Variants in SMC1B observed in about 807,000 individuals in gnomAD.
SMC1B encodes structural maintenance of chromosomes 1B.
SMC1B carries 60 observed loss-of-function variants against 157.9 expected under a neutral mutation model. The ratio of observed to expected loss-of-function variants is 0.38; its 90% CI spans 0.31 to 0.47. The LOEUF (loss-of-function observed/expected upper bound fraction) is 0.47, where lower values mean the gene tolerates loss of function less well. Ranked by LOEUF, SMC1B falls within the 20% of genes least tolerant of loss-of-function variation. The probability of loss-of-function intolerance (pLI) is 0.99; values close to 1 mark genes in which losing one functional copy is unlikely to be tolerated. For synonymous variants in SMC1B, 445 were observed against 483.0 expected, an observed-to-expected ratio of 0.92 and a Z score of 1.03; for missense variants, 1,165 against 1,426.2, an observed-to-expected ratio of 0.82 and a Z score of 2.95.
At chr22:45,376,526 T>C (rs1326993839) in intron 12 of SMC1B, among the ~76,000 whole-genome samples, 1 of 152,206 alleles carries the variant, frequency 6.6e-6, no homozygotes, top group Non-Finnish European at 1.5e-5. Context: ...AAGACCCTAC[T>C]TTCTTGTTTT....
rs538842061 is a variant in SMC1B, at chr22:45,393,653, C to T, written c.1526G>A (p.Arg509Lys). Residue 509 changes from arginine to lysine, a missense_variant, in exon 9 of 25, where the codon AGA (arginine) becomes AAA (lysine). Transcript: ENST00000357450. Reference protein sequence around the residue: ...KRAEVLEHLKRLYPDSVFGRL... With the variant: ...KRAEVLEHLKKLYPDSVFGRL... The stretch of plus-strand genomic sequence containing the variant: ...CATTACCACAGAATCTGGGTACAGT[C>T]TTTTAAGGTGTTCCAGAACCTCTGC... 1 of 1,613,672 alleles carries T rather than the reference C, an allele frequency of 6.2e-7. No individual in the cohort carries two copies. The highest frequency in any genetic ancestry group is 1.7e-5 in the Admixed American group (1 of 59,892).
chr22:45,392,218 G>C (rs136601), intron 9 of SMC1B, among the ~76,000 whole-genome samples: 19,777 of 151,992 alleles, frequency 0.13, 1,385 homozygotes, highest in South Asian at 0.24. Context: ...CAAAGCGCTG[G>C]GATTACAGGC....
At chr22:45,373,644 A>C (rs1393322310) in intron 12 of SMC1B, among the ~76,000 whole-genome samples, 1 of 152,204 alleles carries the variant, frequency 6.6e-6, no homozygotes, top group African/African-American at 2.4e-5. Context: ...ACTTCCTCCC[A>C]AAGTTAGTTT....
Position 45,385,516 on chromosome 22 carries a change from T to C in SMC1B, c.1911+1351A>G, listed in dbSNP as rs1004685818. Among the ~76,000 whole-genome samples the C allele has an allele frequency of 2.6e-5, 4 of 152,004 alleles. No individual in the cohort carries two copies. In the South Asian group the frequency reaches 6.2e-4, roughly 24 times the overall value. ...TCCTGAGATATAATTAAGATACAAA[T>C]AAGATACATCTGATTAAAATTTTGA... On this transcript the variant is annotated intron_variant, in intron 11 of 24. Coordinates refer to ENST00000357450, the MANE Select transcript of SMC1B (RefSeq NM_148674.5).
chr22:45,396,281 G>T, intron 7 of SMC1B, 65 bp downstream of exon 7: 1 of 1,408,242 alleles, frequency 7.1e-7, no homozygotes, highest in South Asian at 1.3e-5. Context: ...CTGGAGACAG[G>T]TACAAAAAGG....
intron 15 of SMC1B, among the ~76,000 whole-genome samples, chr22:45,363,754 G>A (rs143850418): frequency 0.016 from 2,436 of 152,088 alleles, 26 homozygotes; most frequent in Non-Finnish European, 0.026. Context: ...TCCACACATT[G>A]CATACAGATG....
chr22:45,404,756 G>A lies in SMC1B; in HGVS notation c.615+1704C>T, dbSNP rs1467660510. On this transcript the variant is annotated intron_variant, in intron 4 of 24. Coordinates refer to ENST00000357450, the MANE Select transcript of SMC1B (RefSeq NM_148674.5). ...ATACATCTTACAAGTATTGACTGAT[G>A]TCTTATGTCCCCCTAAAATGTATAA... Among the ~76,000 whole-genome samples, 8 of 152,140 alleles carry A rather than the reference G, an allele frequency of 5.3e-5. No homozygotes were observed. The South Asian group carries it at 1.2e-3, about 24-fold the overall frequency.
rs767287926 is a variant in SMC1B at position 45,396,493 on chromosome 22, A to T, written c.1114-7T>A. 1 of 1,602,448 alleles carries T rather than the reference A, an allele frequency of 6.2e-7. No individual in the cohort carries two copies. The stretch of plus-strand genomic sequence containing the variant: ...GTTCTTTATAACGATCCAGCTGCAT[A>T]AACAGTATTGAAAAATTGCTAATTC... On this transcript the variant is annotated splice_region_variant and splice_polypyrimidine_tract_variant and intron_variant, in intron 6 of 24. Coordinates refer to ENST00000357450, the MANE Select transcript of SMC1B (RefSeq NM_148674.5).
In SMC1B at chr22:45,344,758, C is replaced by G. The variant is rs2146746045; in HGVS notation, c.3607-101G>C. ...GTCTAGAATTGCATTCAAAAGGAAT[C>G]TTCTTCAACCTAGTAAGATATCTGC... On this transcript the variant is annotated intron_variant, in intron 24 of 24. Transcript: ENST00000357450. 4.2e-6 allele frequency: 3 copies of G among 708,832 alleles called. No homozygotes were observed. In the South Asian group the frequency reaches 5.4e-5, roughly 13 times the overall value. 43.9% of individuals were successfully genotyped at this position (708,832 alleles called of 1,614,324 possible). A position where few individuals can be genotyped will look rare whatever the true frequency, so the allele number is the denominator to read the frequency against.
intron 12 of SMC1B, among the ~76,000 whole-genome samples, chr22:45,377,382 T>C (rs1485684951): frequency 6.6e-6 from 1 of 152,170 alleles, no homozygotes; most frequent in Non-Finnish European, 1.5e-5. Context: ...CTCATGCCTG[T>C]AATCCCAGCA....
chr22:45,396,693 A>G (rs1391442667), intron 6 of SMC1B, among the ~76,000 whole-genome samples: 1 of 151,944 alleles, frequency 6.6e-6, no homozygotes, highest in African/African-American at 2.4e-5. Context: ...TTATTTATTT[A>G]TTTATATTTG....
chr22:45,384,047 C>G (rs2086965730), intron 11 of SMC1B, among the ~76,000 whole-genome samples: 1 of 152,182 alleles, frequency 6.6e-6, no homozygotes, highest in Non-Finnish European at 1.5e-5. Flanking sequence ...GAATCTCTTT[C>G]CCCATAAAGT....
chr22:45,382,503 T>C (rs1246302636), intron 12 of SMC1B, among the ~76,000 whole-genome samples: 1 of 152,186 alleles, frequency 6.6e-6, no homozygotes, highest in Non-Finnish European at 1.5e-5. Flanking sequence ...AAAGGAATTC[T>C]GCGGGGTGAA....
rs1170256321 is a variant in SMC1B at position 45,392,711 on chromosome 22, T to A, written c.1545+923A>T. On this transcript the variant is annotated intron_variant, in intron 9 of 24. Transcript: ENST00000357450. ...TGGAGGCCAATGGTAGATGTTTCCT[T>A]TTTTTTGGAGACAGAGTCTCACTCT... Among the ~76,000 whole-genome samples, 7 of 152,052 alleles carry A rather than the reference T, an allele frequency of 4.6e-5. No individual in the cohort carries two copies. The East Asian group carries it at 9.6e-4, about 21-fold the overall frequency.
At chr22:45,410,569 G>A (rs1255439667) in intron 1 of SMC1B, among the ~76,000 whole-genome samples, 1 of 152,056 alleles carries the variant, frequency 6.6e-6, no homozygotes, top group Non-Finnish European at 1.5e-5. Flanking sequence ...CAGCTGTGGT[G>A]GCGTGCGCCT....
In SMC1B at chr22:45,384,940, T is replaced by A. The variant is rs912698299; in HGVS notation, c.1912-1327A>T. 4.5e-4 allele frequency among the ~76,000 whole-genome samples: 68 copies of A among 152,160 alleles called. 1 individual carries two copies. Among genetic ancestry groups the A allele is most frequent in the African/African-American group, 1.6e-3 (68 of 41,440 alleles). On this transcript the variant is annotated intron_variant, in intron 11 of 24. Coordinates refer to ENST00000357450, the MANE Select transcript of SMC1B (RefSeq NM_148674.5). ...TGCAATTTTGGAAAAAATAATCTTT[T>A]CACAAATTTTCCAGCTACTTACTGA...
At position 45,406,502 on chromosome 22, in the gene SMC1B, AT is replaced by A. The variant is rs748761052; in HGVS notation, c.572del (p.Asn191IlefsTer2). 9.9e-6 allele frequency: 16 copies of A among 1,611,570 alleles called. No individual in the cohort carries two copies. Among genetic ancestry groups the A allele is most frequent in the South Asian group, 1.1e-5 (1 of 90,496 alleles). On this transcript the variant is annotated frameshift_variant, in exon 4 of 25. Coordinates refer to ENST00000357450, the MANE Select transcript of SMC1B (RefSeq NM_148674.5). LOFTEE classifies it high-confidence loss of function. ...DAQFNFNKKK[N>X]IAAERRQAKL... ...TTGCTTGTCTGCGCTCTGCCGCTAT[AT>A]TTTTTTTCTTATTAAAGTTAAACTG...
intron 21 of SMC1B, among the ~76,000 whole-genome samples, chr22:45,353,442 C>T (rs1216485267): frequency 3.9e-5 from 6 of 152,240 alleles, no homozygotes; most frequent in African/African-American, 1.4e-4. Context: ...TCCCGACCTA[C>T]ATCTTCATTT....
intron 11 of SMC1B, among the ~76,000 whole-genome samples, chr22:45,384,818 T>C (rs1298690869): frequency 6.6e-6 from 1 of 152,198 alleles, no homozygotes; most frequent in Admixed American, 6.5e-5. Context: ...CTGGAATTTA[T>C]CCTGATACAA....
Sources: gnomAD v4.1 joint callset for allele counts (sites outside exome capture counted in the v4.1 genomes callset) on GRCh38, gnomAD v4.1.1 for gene constraint, MANE v1.5 for transcripts, NCBI Gene and HGNC (gene_info 2026-07-23, HGNC 2026-07-21) for gene names.